Variants in PRRC2B observed in about 807,000 individuals in gnomAD.
PRRC2B encodes protein PRRC2B.
Under a neutral mutation model 242.3 loss-of-function variants are expected in PRRC2B, and 68 were observed. The observed-to-expected ratio is 0.28, with a 90% confidence interval of 0.23 to 0.34. The LOEUF (loss-of-function observed/expected upper bound fraction) is 0.34. PRRC2B is among the 10% of genes least tolerant of loss of function. The pLI, the probability that PRRC2B is intolerant of heterozygous loss-of-function variation, is 1.00. For missense variants in PRRC2B, 2,835 were observed against 2,954.8 expected (o/e 0.96, Z 0.94); for synonymous variants, 1,228 against 1,173.6 (o/e 1.05, Z -0.95).
intron 19 of PRRC2B, 88 bp downstream of exon 19, chr9:131,479,481 C>T (rs1943796945): frequency 2.3e-6 from 3 of 1,293,904 alleles, no homozygotes; most frequent in Non-Finnish European, 3.2e-6. Flanking sequence ...TGCTTTTGAG[C>T]TACGAATATA....
Position 131,494,625 on chromosome 9 carries a change from C to T in PRRC2B, c.6555+139C>T, listed in dbSNP as rs1410943295. The T allele has an allele frequency of 1.6e-5, 9 of 565,646 alleles. No homozygotes were observed. Among genetic ancestry groups the T allele is most frequent in the African/African-American group, 9.8e-5 (5 of 51,068 alleles). 35.0% of individuals were successfully genotyped at this position (565,646 alleles called of 1,614,324 possible). A position where few individuals can be genotyped will look rare whatever the true frequency, so the allele number is the denominator to read the frequency against. On this transcript the variant is annotated intron_variant, in intron 31 of 31. Coordinates refer to ENST00000683519, the MANE Select transcript of PRRC2B (RefSeq NM_013318.4). The surrounding 1 kb of genome is among the most constrained non-coding windows in gnomAD (Gnocchi z 4.3). ...TGCCCTAGCGGTTAGAGCACAGAAC[C>T]GGGAGCTGGGCCGCCCGCGTCCCTC...
intron 1 of PRRC2B, among the ~76,000 whole-genome samples, chr9:131,397,486 G>A (rs964649176): frequency 6.8e-6 from 1 of 147,446 alleles, no homozygotes; most frequent in Non-Finnish European, 1.5e-5. Flanking sequence ...TTTTTTTCCT[G>A]TTCAACACTC....
chr9:131,494,323 G>A lies in PRRC2B; in HGVS notation c.6474-82G>A, dbSNP rs947088456. On this transcript the variant is annotated intron_variant, in intron 30 of 31. Coordinates refer to ENST00000683519, the MANE Select transcript of PRRC2B (RefSeq NM_013318.4). The surrounding 1 kb of genome is among the most constrained non-coding windows in gnomAD (Gnocchi z 4.3). ...TGGCCGCAGGCCCTTCCTTCCTTGT[G>A]CCTCCTCCATGTGCTAGGCTTTGAC... The A allele has an allele frequency of 4.1e-6, 3 of 738,210 alleles. No individual in the cohort carries two copies. The highest frequency in any genetic ancestry group is 5.5e-5 in the East Asian group (2 of 36,464). 45.7% of individuals were successfully genotyped at this position (738,210 alleles called of 1,614,324 possible). A position where few individuals can be genotyped will look rare whatever the true frequency, so the allele number is the denominator to read the frequency against.
At chr9:131,431,895 G>T (rs1838186551) in intron 2 of PRRC2B, among the ~76,000 whole-genome samples, 2 of 151,978 alleles carry the variant, frequency 1.3e-5, no homozygotes, top group Non-Finnish European at 1.5e-5. Flanking sequence ...CATCCTTAAA[G>T]AATTTTTTAA....
chr9:131,434,747 C>T (rs1838290187), intron 3 of PRRC2B, among the ~76,000 whole-genome samples: 1 of 152,158 alleles, frequency 6.6e-6, no homozygotes, highest in Non-Finnish European at 1.5e-5. Context: ...GGGGTGGCTG[C>T]CCTCCTTGAA....
intron 1 of PRRC2B, among the ~76,000 whole-genome samples, chr9:131,423,188 A>T (rs1837888757): frequency 6.6e-6 from 1 of 152,218 alleles, no homozygotes; most frequent in Non-Finnish European, 1.5e-5. Flanking sequence ...GGTTTGACTT[A>T]TGCTAACCTG....
In PRRC2B at chr9:131,470,826, C is replaced by T. The variant is rs767832234; in HGVS notation, c.1950C>T (p.Tyr650=). 2.5e-5 allele frequency: 41 copies of T among 1,608,732 alleles called. No homozygotes were observed. The highest frequency in any genetic ancestry group is 3.3e-5 in the Non-Finnish European group (39 of 1,176,426). ...AGATGCAGCACTGGCAGCCGGTGTA[C>T]CCCCCGCCGTCCCACCCCCAGCGCA... ...LYKMQHWQPV[Y]PPPSHPQRTF... is the part of the protein sequence containing the mutation. The change falls in exon 14 of 32, where the codon TAC becomes TAT. Residue 650 remains tyrosine, a synonymous_variant. Transcript: ENST00000683519.
At position 131,476,099 on chromosome 9, in the gene PRRC2B, G is replaced by A. The variant is rs1451115864; in HGVS notation, c.3970G>A (p.Gly1324Ser). ...CCTCCGGCAAGAGCGGGAGTCCCTGGGCCTGTGGGGACCCGAGGAGGAGCC... is the reference window on the plus strand; with the variant it reads ...CCTCCGGCAAGAGCGGGAGTCCCTGAGCCTGTGGGGACCCGAGGAGGAGCC... The part of the protein sequence containing the change: ...RRLRQERESL[G>S]LWGPEEEPHL... The change falls in exon 16 of 32, where the codon GGC becomes AGC. Residue 1324 changes from glycine to serine, a missense_variant. By Grantham distance (56) the Gly-to-Ser change is moderately conservative (BLOSUM62 0). Coordinates refer to ENST00000683519, the MANE Select transcript of PRRC2B (RefSeq NM_013318.4). The A allele has an allele frequency of 2.9e-5, 46 of 1,609,854 alleles. No homozygotes were observed. The highest frequency in any genetic ancestry group is 3.9e-5 in the Non-Finnish European group (46 of 1,177,624).
At chr9:131,406,132 C>G (rs1837355581) in intron 1 of PRRC2B, among the ~76,000 whole-genome samples, 1 of 152,128 alleles carries the variant, frequency 6.6e-6, no homozygotes, top group Non-Finnish European at 1.5e-5. Context: ...CTTTTGTACA[C>G]TTGGGGCTTG....
chr9:131,494,502 C>G lies in PRRC2B; in HGVS notation c.6555+16C>G. The G allele has an allele frequency of 1.4e-6, 2 of 1,464,664 alleles. No homozygotes were observed. The highest frequency in any genetic ancestry group is 1.9e-6 in the Non-Finnish European group (2 of 1,052,728). 90.7% of individuals were successfully genotyped at this position (1,464,664 alleles called of 1,614,324 possible). Reference sequence around the variant, plus strand: ...CGTGCAACAGGTAGAAGATGGCTTTCCAGACCCTTCAGCCCTGGACACTTA... The same window carrying G: ...CGTGCAACAGGTAGAAGATGGCTTTGCAGACCCTTCAGCCCTGGACACTTA... On this transcript the variant is annotated intron_variant, in intron 31 of 31. Coordinates refer to ENST00000683519, the MANE Select transcript of PRRC2B (RefSeq NM_013318.4). This position sits in a 1 kb window ranked among gnomAD's most constrained non-coding sequence, Gnocchi z 4.3.
chr9:131,471,261 T>TA lies in PRRC2B; in HGVS notation c.2107+280dup, dbSNP rs1943538017. 2.0e-5 allele frequency among the ~76,000 whole-genome samples: 3 copies of TA among 152,372 alleles called. No individual in the cohort carries two copies. The South Asian group carries it at 6.2e-4, about 32-fold the overall frequency. ...GTCGTTTTGTCCTTCTTCTCATTCTTAATGTTCTTTGTGCTGTCTCTTTTT... is the reference window on the plus strand; with the variant it reads ...GTCGTTTTGTCCTTCTTCTCATTCTTAAATGTTCTTTGTGCTGTCTCTTTTT... On this transcript the variant is annotated intron_variant, in intron 14 of 31. Transcript: ENST00000683519.
At chr9:131,486,277 C>T in intron 26 of PRRC2B, 95 bp downstream of exon 26, 3 of 956,834 alleles carry the variant, frequency 3.1e-6, no homozygotes, top group Non-Finnish European at 4.7e-6. Context: ...CATTGTCTGT[C>T]TGGTTTTCCA....
In PRRC2B at chr9:131,446,791, C is replaced by T. The variant is rs950378465; in HGVS notation, c.855+149C>T. The T allele has an allele frequency of 4.1e-6, 4 of 982,080 alleles. No individual in the cohort carries two copies. In the African/African-American group the frequency reaches 6.6e-5, roughly 16 times the overall value. The allele number at this position is 982,080 out of a possible 1,614,324, so 60.8% of individuals were successfully genotyped here. A position where few individuals can be genotyped will look rare whatever the true frequency, so the allele number is the denominator to read the frequency against. ...TCCACTCGTTTTGCATTTTCTCTCCCTGCTTTTTAAATCTTCAGGGCCTCT... is the reference window on the plus strand; with the variant it reads ...TCCACTCGTTTTGCATTTTCTCTCCTTGCTTTTTAAATCTTCAGGGCCTCT... On this transcript the variant is annotated intron_variant, in intron 7 of 31. Transcript: ENST00000683519. This position sits in a 1 kb window ranked among gnomAD's most constrained non-coding sequence, Gnocchi z 4.1.
At chr9:131,453,365 G>A (rs1386563169) in intron 9 of PRRC2B, among the ~76,000 whole-genome samples, 1 of 152,056 alleles carries the variant, frequency 6.6e-6, no homozygotes, top group Non-Finnish European at 1.5e-5. Context: ...TAATTAGATT[G>A]AGTTTTTGTT....
chr9:131,495,805 T>C lies in PRRC2B; in HGVS notation c.6621T>C (p.Ala2207=). The C allele has an allele frequency of 2.5e-6, 4 of 1,613,040 alleles. No individual in the cohort carries two copies. The highest frequency in any genetic ancestry group is 3.4e-6 in the Non-Finnish European group (4 of 1,179,114). The change falls in exon 32 of 32, where the codon GCT becomes GCC. Residue 2207 remains alanine, a synonymous_variant. Transcript: ENST00000683519. ...GAVKLQEAPS[A]ASQMKRTGAI... ...TGAAGCTGCAGGAGGCCCCCTCGGC[T>C]GCCTCCCAGATGAAGCGAACCGGAG...
intron 19 of PRRC2B, 29 bp from the exon 20 acceptor site, chr9:131,481,697 G>T: frequency 1.3e-6 from 2 of 1,536,090 alleles, no homozygotes; most frequent in Admixed American, 1.9e-5. Flanking sequence ...GCTCTTTGAT[G>T]CCCTGACTCT....
chr9:131,439,547 C>T (rs1188523478), intron 5 of PRRC2B, among the ~76,000 whole-genome samples: 1 of 152,214 alleles, frequency 6.6e-6, no homozygotes, highest in Non-Finnish European at 1.5e-5. Context: ...GCCAAGGCTT[C>T]ACCAGACTTG....
chr9:131,440,269 G>A (rs1838520554), intron 5 of PRRC2B, among the ~76,000 whole-genome samples: 1 of 151,920 alleles, frequency 6.6e-6, no homozygotes, highest in Admixed American at 6.6e-5. Flanking sequence ...TGGTTCTTTG[G>A]CTTTCCATAT....
In PRRC2B at chr9:131,498,215, TAAAA is replaced by T. The variant is rs932861422; in HGVS notation, c.*2345_*2348del. On this transcript the variant is annotated 3_prime_UTR_variant, in exon 32 of 32. Transcript: ENST00000683519. ...TTCCTTTCTCCTCCCCCACCCCAAA[TAAAA>T]AAACAAAAAACACTAGAATTTATTT... 2 of 150,998 alleles carry T rather than the reference TAAAA, an allele frequency of 1.3e-5. No individual in the cohort carries two copies. The highest frequency in any genetic ancestry group is 1.9e-4 in the East Asian group (1 of 5,168). 9.4% of individuals were successfully genotyped at this position (150,998 alleles called of 1,614,324 possible).
Sources: allele counts gnomAD v4.1 joint callset (sites outside exome capture counted in the v4.1 genomes callset), GRCh38; gene constraint gnomAD v4.1.1; non-coding constraint Gnocchi (gnomAD v3.1); transcripts MANE v1.5; gene names NCBI Gene and HGNC (gene_info 2026-07-23, HGNC 2026-07-21).